STXBP5L: variants seen among roughly 807,000 people sequenced by gnomAD.
STXBP5L encodes the protein syntaxin binding protein 5L.
Under a neutral mutation model 144.5 loss-of-function variants are expected in STXBP5L, and 65 were observed. That is an observed-to-expected ratio of 0.45 (90% CI 0.37 to 0.55). The LOEUF is 0.55. STXBP5L is among the 20% of genes least tolerant of loss of function. The probability of loss-of-function intolerance (pLI) is 0.00; values close to 1 mark genes in which losing one functional copy is unlikely to be tolerated. For synonymous variants in STXBP5L, 505 were observed against 469.6 expected, an observed-to-expected ratio of 1.08 and a Z score of -0.97; for missense variants, 1,298 against 1,405.5, an observed-to-expected ratio of 0.92 and a Z score of 1.22.
chr3:121,100,969 A>G (rs1054936486), intron 5 of STXBP5L, among the ~76,000 whole-genome samples: 2 of 152,176 alleles, frequency 1.3e-5, no homozygotes, highest in Non-Finnish European at 2.9e-5. Flanking sequence ...GAACACCTCT[A>G]TGCACACAAA....
intron 7 of STXBP5L, among the ~76,000 whole-genome samples, chr3:121,145,056 C>T (rs73191413): frequency 1.1e-3 from 165 of 151,868 alleles, no homozygotes; most frequent in Non-Finnish European, 1.7e-3. Context: ...GTCAAGCAAG[C>T]TTGATTGATG....
intron 3 of STXBP5L, among the ~76,000 whole-genome samples, chr3:121,021,511 A>G (rs1945551684): frequency 6.6e-6 from 1 of 152,208 alleles, no homozygotes; most frequent in South Asian, 2.1e-4. Flanking sequence ...AGACCATATC[A>G]TAGGCCACAA....
rs1052078043 is a variant in STXBP5L at position 121,085,533 on chromosome 3, T to A, written c.471-29392T>A. On this transcript the variant is annotated intron_variant, in intron 5 of 26. Transcript: ENST00000471454. ...CACAGGGATTCATATACACCAACAA[T>A]AGACAAACAGAGAGCCAAATCATGA... 2.0e-5 allele frequency among the ~76,000 whole-genome samples: 3 copies of A among 151,892 alleles called. No homozygotes were observed. In the East Asian group the frequency reaches 5.8e-4, roughly 29 times the overall value.
intron 3 of STXBP5L, among the ~76,000 whole-genome samples, chr3:120,988,669 A>T (rs1576585072): frequency 1.3e-5 from 2 of 152,156 alleles, no homozygotes; most frequent in Middle Eastern, 3.4e-3. Flanking sequence ...ATTTTCTTTA[A>T]AAAATTTTTT....
At chr3:121,031,361 T>G (rs1946356179) in intron 3 of STXBP5L, among the ~76,000 whole-genome samples, 1 of 150,824 alleles carries the variant, frequency 6.6e-6, no homozygotes, top group Admixed American at 6.7e-5. Flanking sequence ...TGTATATGTA[T>G]ATATCTATGT....
intron 20 of STXBP5L, among the ~76,000 whole-genome samples, chr3:121,358,503 T>C (rs1382790459): frequency 6.6e-6 from 1 of 152,128 alleles, no homozygotes; most frequent in East Asian, 1.9e-4. Flanking sequence ...TGCATGTTTT[T>C]AAACAACCAG....
intron 3 of STXBP5L, among the ~76,000 whole-genome samples, chr3:121,001,846 G>A (rs1943804380): frequency 6.6e-6 from 1 of 152,314 alleles, no homozygotes; most frequent in East Asian, 1.9e-4. Flanking sequence ...CACTCAGTGA[G>A]AGAAGCTCTT....
chr3:120,941,133 G>T (rs1388181887), intron 2 of STXBP5L, among the ~76,000 whole-genome samples: 1 of 151,658 alleles, frequency 6.6e-6, no homozygotes. Context: ...GATTAACAGT[G>T]TGAATTACAG....
At chr3:120,980,076 G>T (rs773500054) in intron 3 of STXBP5L, among the ~76,000 whole-genome samples, 19 of 151,970 alleles carry the variant, frequency 1.3e-4, no homozygotes, top group Non-Finnish European at 2.6e-4. Context: ...TTCCACTGTA[G>T]TCTGAAAAAA....
rs541082801 is a variant in STXBP5L at position 121,181,759 on chromosome 3, A to AAAAC, written c.877+24148_878-24145dup. On this transcript the variant is annotated intron_variant, in intron 9 of 26. Transcript: ENST00000471454. Reference sequence around the variant, plus strand: ...TCTCAAAGAAAACAAAAAACAAACAAAAACAAACAAACAAACAAAAAACAA... The same window carrying AAAAC: ...TCTCAAAGAAAACAAAAAACAAACAAAAACAAACAAACAAACAAACAAAAAACAA... Among the ~76,000 whole-genome samples, 267 of 152,188 alleles carry AAAAC rather than the reference A, an allele frequency of 1.8e-3. 2 individuals are homozygous for AAAAC. The highest frequency in any genetic ancestry group is 6.2e-3 in the African/African-American group (259 of 41,534).
chr3:120,986,914 A>G lies in STXBP5L; in HGVS notation c.287+31877A>G, dbSNP rs556704769. 3.9e-5 allele frequency among the ~76,000 whole-genome samples: 6 copies of G among 151,984 alleles called. No individual in the cohort carries two copies. The South Asian group carries it at 1.2e-3, about 31-fold the overall frequency. The stretch of plus-strand genomic sequence containing the variant: ...GAGTCTAAAGAACGAGAAAAGGTGG[A>G]ACATAAGTGAATGGAACAGAAGGGA... On this transcript the variant is annotated intron_variant, in intron 3 of 26. Coordinates refer to ENST00000471454, the MANE Select transcript of STXBP5L (RefSeq NM_001308330.2).
chr3:121,336,523 C>T (rs1178631136), intron 20 of STXBP5L, among the ~76,000 whole-genome samples: 4 of 151,470 alleles, frequency 2.6e-5, no homozygotes, highest in African/African-American at 9.7e-5. Context: ...ACCAACCAAA[C>T]AAACAAACAA....
At chr3:121,045,557 A>G in intron 5 of STXBP5L, 22 bp downstream of exon 5, 1 of 1,587,536 alleles carries the variant, frequency 6.3e-7, no homozygotes, top group Non-Finnish European at 8.6e-7. Context: ...TGAATTAAAC[A>G]ATTTCTTAAT....
intron 20 of STXBP5L, among the ~76,000 whole-genome samples, chr3:121,342,946 A>G (rs1027514878): frequency 1.3e-5 from 2 of 150,294 alleles, no homozygotes; most frequent in Non-Finnish European, 3.0e-5. Context: ...TGGTTGAACT[A>G]GTTTACAGTC....
Position 121,053,696 on chromosome 3 carries a change from A to G in STXBP5L, c.470+8161A>G, listed in dbSNP as rs183280069. Among the ~76,000 whole-genome samples the G allele has an allele frequency of 2.0e-3, 304 of 152,336 alleles. 2 individuals are homozygous for G. The Middle Eastern group carries it at 0.027, about 14-fold the overall frequency. ...GGCATGGGCAAGGACTTCATGTCTAAAGCACCAAAAGCAATGACAACAAAA... is the reference window on the plus strand; with the variant it reads ...GGCATGGGCAAGGACTTCATGTCTAGAGCACCAAAAGCAATGACAACAAAA... On this transcript the variant is annotated intron_variant, in intron 5 of 26. Transcript: ENST00000471454.
At chr3:121,179,276 T>C (rs947293186) in intron 9 of STXBP5L, among the ~76,000 whole-genome samples, 5 of 151,302 alleles carry the variant, frequency 3.3e-5, no homozygotes, top group Admixed American at 6.6e-5. Context: ...ATAACCAACA[T>C]CAGGAAAAGC....
intron 5 of STXBP5L, among the ~76,000 whole-genome samples, chr3:121,055,671 A>G (rs566027220): frequency 6.9e-6 from 1 of 145,520 alleles, no homozygotes; most frequent in South Asian, 2.2e-4. Flanking sequence ...TACCATACCC[A>G]GCTATTTTTT....
At chr3:121,274,314 C>T (rs901915718) in intron 18 of STXBP5L, among the ~76,000 whole-genome samples, 28 of 152,188 alleles carry the variant, frequency 1.8e-4, no homozygotes, top group African/African-American at 6.3e-4. Context: ...GGTATGGTCT[C>T]AATGCAGTTT....
intron 22 of STXBP5L, among the ~76,000 whole-genome samples, chr3:121,400,336 C>T (rs973305894): frequency 6.6e-6 from 1 of 152,144 alleles, no homozygotes; most frequent in Non-Finnish European, 1.5e-5. Context: ...CAGGCACATG[C>T]CTGGTGACAT....
Sources: allele counts gnomAD v4.1 joint callset (sites outside exome capture counted in the v4.1 genomes callset), GRCh38; gene constraint gnomAD v4.1.1; transcripts MANE v1.5; gene names NCBI Gene and HGNC (gene_info 2026-07-23, HGNC 2026-07-21).